Variants in ARMC8 observed in about 807,000 individuals in gnomAD.
ARMC8 encodes armadillo repeat containing 8.
A neutral mutation model predicts 99.3 loss-of-function variants in ARMC8; 20 were observed. The observed-to-expected ratio is 0.20, with a 90% CI of 0.14 to 0.29. The LOEUF (loss-of-function observed/expected upper bound fraction) is 0.29. Ranked by LOEUF, ARMC8 falls within the 10% of genes least tolerant of loss-of-function variation. The pLI is 1.00. For synonymous variants in ARMC8, 263 were observed against 278.3 expected, an observed-to-expected ratio of 0.95 and a Z score of 0.55; for missense variants, 569 against 809.5, an observed-to-expected ratio of 0.70 and a Z score of 3.60.
intron 6 of ARMC8, among the ~76,000 whole-genome samples, chr3:138,231,960 G>GTTTTT (rs2046060212): frequency 1.5e-5 from 1 of 65,916 alleles, no homozygotes; most frequent in Non-Finnish European, 2.7e-5. Context: ...CCTTGCAATT[G>GTTTTT]CTTTTTTTTT....
chr3:138,256,402 CTTTTTTTTTTT>C (rs71146121), intron 12 of ARMC8, among the ~76,000 whole-genome samples: 5 of 90,276 alleles, frequency 5.5e-5, no homozygotes, highest in South Asian at 4.3e-4. Context: ...TTTCCTCCTT[CTTTTTTTTTTT>C]TTTTTTTTTT....
chr3:138,240,534 A>G (rs2046561452), intron 10 of ARMC8, among the ~76,000 whole-genome samples: 1 of 152,226 alleles, frequency 6.6e-6, no homozygotes. Flanking sequence ...ATTAGATTAC[A>G]TAATTCATGA....
intron 12 of ARMC8, among the ~76,000 whole-genome samples, chr3:138,259,185 T>C (rs1254715801): frequency 1.3e-5 from 2 of 152,208 alleles, no homozygotes; most frequent in Non-Finnish European, 2.9e-5. Flanking sequence ...GTTTTATTGC[T>C]CTTGGTTTTC....
rs189995710 is a variant in ARMC8, at chr3:138,264,471, G to A, written c.1299+259G>A. ...GTCTAGCTCTGTCACCCAGGCTGGA[G>A]TGCAGTGGCATGATCTTGGCTCACT... On this transcript the variant is annotated intron_variant, in intron 14 of 21. Transcript: ENST00000469044. 2.8e-4 allele frequency among the ~76,000 whole-genome samples: 34 copies of A among 122,594 alleles called. No individual in the cohort carries two copies. In the East Asian group the frequency reaches 8.5e-3, roughly 30 times the overall value. 80.4% of individuals were successfully genotyped at this position (122,594 alleles called of 152,430 possible).
intron 12 of ARMC8, among the ~76,000 whole-genome samples, chr3:138,249,294 CAG>C (rs956822194): frequency 1.3e-5 from 2 of 151,916 alleles, no homozygotes; most frequent in Admixed American, 6.6e-5. Flanking sequence ...GTCATATAGT[CAG>C]GGGTTTCACT....
chr3:138,264,656 G>A (rs1187185860), intron 14 of ARMC8, among the ~76,000 whole-genome samples: 1 of 151,668 alleles, frequency 6.6e-6, no homozygotes, highest in African/African-American at 2.4e-5. Flanking sequence ...CTGACCACGT[G>A]ATCTGCCCGC....
intron 12 of ARMC8, among the ~76,000 whole-genome samples, chr3:138,257,705 C>T (rs1011666149): frequency 6.6e-6 from 1 of 152,132 alleles, no homozygotes; most frequent in Admixed American, 6.6e-5. Context: ...GAACTCTAGA[C>T]CTTAAATAAA....
chr3:138,276,012 G>T (rs2049257045), intron 18 of ARMC8, among the ~76,000 whole-genome samples: 1 of 152,162 alleles, frequency 6.6e-6, no homozygotes, highest in Non-Finnish European at 1.5e-5. Context: ...AATGAATTTT[G>T]TCTATAAAGA....
intron 1 of ARMC8, chr3:138,188,154 C>G (rs897641677): frequency 3.9e-6 from 1 of 254,936 alleles, no homozygotes; most frequent in African/African-American, 2.2e-5. Flanking sequence ...AATGGTGATT[C>G]GTATCAGCTG....
intron 12 of ARMC8, among the ~76,000 whole-genome samples, chr3:138,257,674 T>TA (rs200456619): frequency 7.0e-4 from 105 of 150,314 alleles, no homozygotes; most frequent in African/African-American, 1.8e-3. Flanking sequence ...TCCTAAAAAA[T>TA]AAAAAAAAAA....
chr3:138,294,340 C>T (rs1316913630), intron 21 of ARMC8, among the ~76,000 whole-genome samples: 1 of 152,186 alleles, frequency 6.6e-6, no homozygotes, highest in African/African-American at 2.4e-5. Context: ...AGAGCTCCCG[C>T]CTCCATCAGA....
chr3:138,262,497 C>T (rs2047840246), intron 12 of ARMC8: 1 of 1,584,358 alleles, frequency 6.3e-7, no homozygotes, highest in African/African-American at 1.4e-5. Context: ...TGAGGTTTTC[C>T]ACTCTCTCAT....
At chr3:138,261,841 G>C (rs1392721088) in intron 12 of ARMC8, 1 of 152,190 alleles carries the variant, frequency 6.6e-6, no homozygotes. Context: ...GAGACCTTTC[G>C]TCAGAAGTGG....
intron 17 of ARMC8, 134 bp from the exon 18 acceptor site, chr3:138,274,315 G>A: frequency 1.7e-6 from 1 of 604,448 alleles, no homozygotes. Flanking sequence ...ACTGTTCTTT[G>A]GCATCTAGTT....
At chr3:138,215,411 T>TC (rs2044961492) in intron 2 of ARMC8, among the ~76,000 whole-genome samples, 1 of 151,918 alleles carries the variant, frequency 6.6e-6, no homozygotes, top group Admixed American at 6.6e-5. Context: ...AGAGACGGGG[T>TC]TTCACCGTGT....
intron 1 of ARMC8, among the ~76,000 whole-genome samples, chr3:138,189,975 C>G (rs1373908871): frequency 6.6e-6 from 1 of 152,154 alleles, no homozygotes; most frequent in Non-Finnish European, 1.5e-5. Flanking sequence ...CCTTTCATCC[C>G]CCTGTATCTA....
intron 1 of ARMC8, among the ~76,000 whole-genome samples, chr3:138,195,693 GA>G (rs200435375): frequency 2.6e-5 from 4 of 151,632 alleles, no homozygotes; most frequent in Non-Finnish European, 5.9e-5. Flanking sequence ...GGTATTACAT[GA>G]AAAAAAACAA....
chr3:138,223,393 T>C lies in ARMC8; in HGVS notation c.199T>C (p.Leu67=). The change falls in exon 4 of 22, where the codon TTG becomes CTG. Residue 67 remains leucine, a synonymous_variant. Coordinates refer to ENST00000469044, the MANE Select transcript of ARMC8 (RefSeq NM_001363941.2). ...TATTAAGTTCCTTCTTTTTAGATTG[T>C]TGTACTTGCTTCAGCAAGAAACCTC... ...LIVLGAVPRL[L]YLLQQETSST... is the part of the protein sequence containing the mutation. 6.2e-7 allele frequency: 1 copy of C among 1,613,920 alleles called. No homozygotes were observed. Among genetic ancestry groups the C allele is most frequent in the Non-Finnish European group, 8.5e-7 (1 of 1,179,946 alleles).
chr3:138,235,744 G>A (rs2046296472), intron 7 of ARMC8, among the ~76,000 whole-genome samples: 1 of 150,630 alleles, frequency 6.6e-6, no homozygotes, highest in African/African-American at 2.4e-5. Context: ...GAACAGGGAA[G>A]CAGTCATTTT....
Sources: allele counts gnomAD v4.1 joint callset (sites outside exome capture counted in the v4.1 genomes callset), GRCh38; gene constraint gnomAD v4.1.1; transcripts MANE v1.5; gene names NCBI Gene and HGNC (gene_info 2026-07-23, HGNC 2026-07-21).